Variants in MMP26 observed in about 807,000 individuals in gnomAD.
MMP26 encodes matrix metalloproteinase-26.
MMP26 carries 33 observed loss-of-function variants against 31.0 expected under a neutral mutation model. The observed-to-expected ratio is 1.06, with a 90% CI of 0.81 to 1.42. The LOEUF is 1.42. MMP26 is among the 40% of genes most tolerant of loss of function. The pLI is 0.00. For missense variants in MMP26, 347 were observed against 316.1 expected, an observed-to-expected ratio of 1.10 and a Z score of -0.74; for synonymous variants, 122 against 114.9, an observed-to-expected ratio of 1.06 and a Z score of -0.40.
chr11:4,965,085 A>T (rs1846573977), intron 2 of MMP26, among the ~76,000 whole-genome samples: 2 of 152,186 alleles, frequency 1.3e-5, no homozygotes. Flanking sequence ...CTGAAAATTA[A>T]AGTTGATTAT....
intron 2 of MMP26, among the ~76,000 whole-genome samples, chr11:4,895,857 G>A (rs1850691778): frequency 6.6e-6 from 1 of 152,100 alleles, no homozygotes; most frequent in Admixed American, 6.5e-5. Context: ...TTTTAATCTG[G>A]GGGAAGCTAT....
chr11:4,846,163 A>G (rs1849863699), intron 2 of MMP26, among the ~76,000 whole-genome samples: 1 of 152,226 alleles, frequency 6.6e-6, no homozygotes, highest in Non-Finnish European at 1.5e-5. Flanking sequence ...AGCATTCATC[A>G]ACAGACAAAT....
chr11:4,942,711 T>C (rs1394948308), intron 2 of MMP26: 1 of 152,110 alleles, frequency 6.6e-6, no homozygotes, highest in Non-Finnish European at 1.5e-5. Flanking sequence ...ATCTCACAAA[T>C]AACAAAAGGA....
chr11:4,728,393 C>G (rs772921729), intron 1 of MMP26, among the ~76,000 whole-genome samples: 2 of 152,152 alleles, frequency 1.3e-5, no homozygotes, highest in Non-Finnish European at 2.9e-5. Flanking sequence ...TTGCCACACC[C>G]AAGTTTACTA....
At chr11:4,905,634 G>A (rs951767179) in intron 2 of MMP26, among the ~76,000 whole-genome samples, 7 of 151,718 alleles carry the variant, frequency 4.6e-5, no homozygotes, top group African/African-American at 1.7e-4. Context: ...TTCATCTTTT[G>A]TATTTTTGTT....
At chr11:4,908,042 C>T (rs1470079034) in intron 2 of MMP26, 3 of 1,614,028 alleles carry the variant, frequency 1.9e-6, no homozygotes. Context: ...GAAGACTATA[C>T]TCAGCATTGC....
intron 2 of MMP26, among the ~76,000 whole-genome samples, chr11:4,831,017 A>C (rs1849639000): frequency 6.6e-6 from 1 of 152,148 alleles, no homozygotes; most frequent in Admixed American, 6.5e-5. Flanking sequence ...TATAACACTA[A>C]GCCTGCCTCA....
chr11:4,845,842 G>A (rs1004011783), intron 2 of MMP26, among the ~76,000 whole-genome samples: 1 of 152,144 alleles, frequency 6.6e-6, no homozygotes, highest in Non-Finnish European at 1.5e-5. Flanking sequence ...ATCTGTAAAA[G>A]TTCTCCACAT....
chr11:4,973,079 CTG>C (rs1163723236), intron 2 of MMP26: 1 of 172,032 alleles, frequency 5.8e-6, no homozygotes, highest in African/African-American at 2.4e-5. Flanking sequence ...GATTGGGAAA[CTG>C]TGTTTGGCAA....
At chr11:4,860,306 A>G (rs1850131333) in intron 2 of MMP26, 1 of 471,398 alleles carries the variant, frequency 2.1e-6, no homozygotes, top group Non-Finnish European at 4.4e-6. Context: ...TTAAACCAGT[A>G]GATGCTGAGC....
intron 2 of MMP26, among the ~76,000 whole-genome samples, chr11:4,962,531 A>T (rs2133622327): frequency 6.6e-6 from 1 of 152,328 alleles, no homozygotes; most frequent in East Asian, 1.9e-4. Flanking sequence ...GCCCATTGCA[A>T]GCTCAGTGGT....
intron 2 of MMP26, among the ~76,000 whole-genome samples, chr11:4,899,293 C>A (rs2133556959): frequency 6.6e-6 from 1 of 152,250 alleles, no homozygotes; most frequent in East Asian, 1.9e-4. Flanking sequence ...GGGAATAGCT[C>A]TTCTCATGTT....
chr11:4,810,305 T>TATGTC (rs66524315), intron 2 of MMP26, among the ~76,000 whole-genome samples: 62,873 of 151,848 alleles, frequency 0.41, 14,320 homozygotes, highest in South Asian at 0.57. Flanking sequence ...AAACTGCTGA[T>TATGTC]ATGTAAGTCG....
intron 2 of MMP26, among the ~76,000 whole-genome samples, chr11:4,884,413 A>C (rs1006231767): frequency 6.6e-6 from 1 of 152,136 alleles, no homozygotes; most frequent in East Asian, 1.9e-4. Flanking sequence ...TATTGCTGCC[A>C]AATAAATGTC....
intron 2 of MMP26, among the ~76,000 whole-genome samples, chr11:4,859,253 A>G (rs1295369594): frequency 6.6e-6 from 1 of 152,252 alleles, no homozygotes; most frequent in Non-Finnish European, 1.5e-5. Flanking sequence ...GCTTCTGCAC[A>G]GCAAAATGAT....
intron 2 of MMP26, among the ~76,000 whole-genome samples, chr11:4,929,788 A>G (rs1002303125): frequency 3.3e-5 from 5 of 152,002 alleles, no homozygotes; most frequent in African/African-American, 1.2e-4. Context: ...TATGCAAAGT[A>G]TAGTTTTTGA....
At chr11:4,867,926 T>C (rs1850259068) in intron 2 of MMP26, among the ~76,000 whole-genome samples, 2 of 152,064 alleles carry the variant, frequency 1.3e-5, no homozygotes, top group African/African-American at 4.8e-5. Flanking sequence ...TGTTCTATTG[T>C]AAAGGCACAT....
intron 2 of MMP26, among the ~76,000 whole-genome samples, chr11:4,986,932 C>CCTCTCTCTCTCT (rs1194074123): frequency 1.5e-4 from 9 of 60,438 alleles, no homozygotes; most frequent in African/African-American, 2.1e-4. Flanking sequence ...TCTCTCTCTC[C>CCTCTCTCTCTCT]CTCTCTCTCT....
At chr11:4,793,555 C>T (rs1849061208) in intron 2 of MMP26, among the ~76,000 whole-genome samples, 1 of 152,140 alleles carries the variant, frequency 6.6e-6, no homozygotes, top group Non-Finnish European at 1.5e-5. Flanking sequence ...ATTTTAAAAA[C>T]AGTACTTGAA....
Sources: gnomAD v4.1 joint callset for allele counts (sites outside exome capture counted in the v4.1 genomes callset) on GRCh38, gnomAD v4.1.1 for gene constraint, MANE v1.5 for transcripts, NCBI Gene and HGNC (gene_info 2026-07-23, HGNC 2026-07-21) for gene names.